SRGAP3: variants seen among roughly 807,000 people sequenced by gnomAD.
The protein encoded by SRGAP3 is SLIT-ROBO Rho GTPase activating protein 3.
Under a neutral mutation model 121.1 loss-of-function variants are expected in SRGAP3, and 39 were observed. The ratio of observed to expected loss-of-function variants is 0.32; its 90% confidence interval spans 0.25 to 0.42. The LOEUF (loss-of-function observed/expected upper bound fraction) is 0.42, where lower values mean the gene tolerates loss of function less well. Ranked by LOEUF, SRGAP3 falls within the 10% of genes least tolerant of loss-of-function variation. The pLI is 1.00. For synonymous variants in SRGAP3, 601 were observed against 570.0 expected (o/e 1.05, Z -0.77); for missense variants, 1,213 against 1,470.6 (o/e 0.82, Z 2.86).
chr3:9,023,610 A>G (rs1276580087), intron 14 of SRGAP3, among the ~76,000 whole-genome samples: 2 of 152,130 alleles, frequency 1.3e-5, no homozygotes, highest in Non-Finnish European at 2.9e-5. Flanking sequence ...CATTGCACTG[A>G]TTATACTGGC....
intron 12 of SRGAP3, among the ~76,000 whole-genome samples, chr3:9,029,993 T>C (rs1352130298): frequency 9.2e-6 from 1 of 108,520 alleles, no homozygotes; most frequent in East Asian, 3.8e-4. Context: ...AAAAAAAAAT[T>C]ATTTTTTAAT....
At chr3:9,163,034 C>T (rs763575046) in intron 1 of SRGAP3, among the ~76,000 whole-genome samples, 2 of 152,318 alleles carry the variant, frequency 1.3e-5, no homozygotes, top group Non-Finnish European at 2.9e-5. Flanking sequence ...AGGGAGGTCA[C>T]CGTACCTGCT....
At chr3:9,011,740 G>C (rs961726958) in intron 17 of SRGAP3, among the ~76,000 whole-genome samples, 1 of 152,192 alleles carries the variant, frequency 6.6e-6, no homozygotes, top group African/African-American at 2.4e-5. Flanking sequence ...GCCCACAACA[G>C]ATGATTGGTA....
chr3:9,212,757 T>G (rs1408676550), intron 1 of SRGAP3, among the ~76,000 whole-genome samples: 1 of 152,220 alleles, frequency 6.6e-6, no homozygotes, highest in Admixed American at 6.5e-5. Context: ...TGCTAGACTA[T>G]AAGTTCATGA....
chr3:9,047,529 T>A, intron 9 of SRGAP3, 54 bp from the exon 10 acceptor site: 1 of 1,549,472 alleles, frequency 6.5e-7, no homozygotes, highest in Non-Finnish European at 8.9e-7. Context: ...AGTAATGGGA[T>A]CTCTGCCTCT....
At chr3:8,993,147 T>G (rs1169308952) in intron 19 of SRGAP3, 92 bp from the exon 20 acceptor site, 6 of 1,583,578 alleles carry the variant, frequency 3.8e-6, no homozygotes, top group Non-Finnish European at 4.3e-6. Context: ...GGGGCTGAAT[T>G]AACACAACTT....
intron 1 of SRGAP3, among the ~76,000 whole-genome samples, chr3:9,189,753 T>C (rs766761594): frequency 6.6e-6 from 1 of 152,196 alleles, no homozygotes; most frequent in Non-Finnish European, 1.5e-5. Context: ...TCATTCCTGA[T>C]TGAGTCCACC....
intron 18 of SRGAP3, among the ~76,000 whole-genome samples, chr3:8,998,574 C>T (rs1243411473): frequency 2.0e-5 from 3 of 151,502 alleles, no homozygotes; most frequent in East Asian, 3.9e-4. Context: ...TGTATATATA[C>T]ACACACATAT....
At chr3:9,203,141 T>A (rs539016344) in intron 1 of SRGAP3, among the ~76,000 whole-genome samples, 1 of 152,202 alleles carries the variant, frequency 6.6e-6, no homozygotes, top group East Asian at 1.9e-4. Context: ...GGGAATCGGG[T>A]CTCATAAAGA....
intron 4 of SRGAP3, among the ~76,000 whole-genome samples, chr3:9,073,270 G>A (rs1258561360): frequency 1.3e-5 from 2 of 151,956 alleles, no homozygotes; most frequent in Non-Finnish European, 2.9e-5. Flanking sequence ...CAACCTCCCG[G>A]GTAGCTGCGA....
intron 9 of SRGAP3, 73 bp from the exon 10 acceptor site, chr3:9,047,548 C>T (rs919862397): frequency 8.2e-6 from 12 of 1,463,752 alleles, no homozygotes; most frequent in South Asian, 1.2e-5. Flanking sequence ...CTGCAACTGA[C>T]CTCTGGGACA....
At chr3:9,236,353 A>G in intron 1 of SRGAP3, 1 of 160,672 alleles carries the variant, frequency 6.2e-6, no homozygotes. Context: ...ACACTGTGTC[A>G]TAATTTATTA....
intron 11 of SRGAP3, chr3:9,037,840 C>T (rs1013680136): frequency 8.2e-6 from 5 of 610,168 alleles, no homozygotes; most frequent in Admixed American, 2.9e-5. Context: ...GCCCCAAAAG[C>T]GCCCCTTCCA....
chr3:9,187,618 C>G (rs969517871), intron 1 of SRGAP3, among the ~76,000 whole-genome samples: 1 of 152,154 alleles, frequency 6.6e-6, no homozygotes, highest in Non-Finnish European at 1.5e-5. Context: ...ACCACCAGCC[C>G]CCTTGGCTTA....
At chr3:9,103,413 G>A (rs563941880) in intron 3 of SRGAP3, among the ~76,000 whole-genome samples, 1 of 152,232 alleles carries the variant, frequency 6.6e-6, no homozygotes, top group Admixed American at 6.5e-5. Context: ...CTGTACACAG[G>A]AACAACAAGC....
At chr3:9,166,350 C>A (rs1950784027) in intron 1 of SRGAP3, among the ~76,000 whole-genome samples, 1 of 152,168 alleles carries the variant, frequency 6.6e-6, no homozygotes, top group African/African-American at 2.4e-5. Flanking sequence ...CTATCTGGGC[C>A]ACACTGCTAG....
At chr3:9,153,167 A>T (rs1950272012) in intron 1 of SRGAP3, among the ~76,000 whole-genome samples, 1 of 152,170 alleles carries the variant, frequency 6.6e-6, no homozygotes, top group Admixed American at 6.5e-5. Flanking sequence ...GATTGGACTG[A>T]TGGTACAGTT....
At chr3:9,172,609 G>A (rs1951025415) in intron 1 of SRGAP3, among the ~76,000 whole-genome samples, 3 of 152,306 alleles carry the variant, frequency 2.0e-5, no homozygotes, top group African/African-American at 7.2e-5. Context: ...TCTCTCATCT[G>A]TTTCCAGCCG....
intron 1 of SRGAP3, among the ~76,000 whole-genome samples, chr3:9,171,092 T>C (rs993033544): frequency 4.6e-5 from 7 of 152,154 alleles, no homozygotes; most frequent in Non-Finnish European, 8.8e-5. Flanking sequence ...CAACAGAATA[T>C]TGTGGAAGAG....
Sources: gnomAD v4.1 joint callset for allele counts (sites outside exome capture counted in the v4.1 genomes callset) on GRCh38, gnomAD v4.1.1 for gene constraint, MANE v1.5 for transcripts, NCBI Gene and HGNC (gene_info 2026-07-23, HGNC 2026-07-21) for gene names.